The following PATL1 variants were observed in gnomAD, a reference collection of about 807,000 sequenced individuals.
PATL1 encodes protein PAT1 homolog 1.
A neutral mutation model predicts 100.6 loss-of-function variants in PATL1; 32 were observed. That is an observed-to-expected ratio of 0.32 (90% CI 0.24 to 0.43). The LOEUF is 0.43. Among genes scored for constraint, PATL1 ranks in the 20% least tolerant of loss-of-function variants. The probability of loss-of-function intolerance (pLI) is 1.00; values close to 1 mark genes in which losing one functional copy is unlikely to be tolerated. For synonymous variants in PATL1, 332 were observed against 330.0 expected (o/e 1.01, Z -0.07); for missense variants, 747 against 949.9 (o/e 0.79, Z 2.81).
chr11:59,662,760 G>A (rs1314388153), intron 2 of PATL1, among the ~76,000 whole-genome samples: 3 of 152,144 alleles, frequency 2.0e-5, no homozygotes. Flanking sequence ...TTCTAATGCA[G>A]TAGAGTTCTA....
In PATL1 at chr11:59,638,331, G is replaced by T; in HGVS notation, c.*59C>A. On this transcript the variant is annotated 3_prime_UTR_variant, in exon 19 of 19. Transcript: ENST00000300146. ...TTCCCTCATTAAAAACACTCCATTGGTGATGGCAGCAGTGCAGGTGGCAGC... is the reference window on the plus strand; with the variant it reads ...TTCCCTCATTAAAAACACTCCATTGTTGATGGCAGCAGTGCAGGTGGCAGC... 7.1e-6 allele frequency: 11 copies of T among 1,544,046 alleles called. No homozygotes were observed. The highest frequency in any genetic ancestry group is 1.1e-5 in the South Asian group (1 of 88,172).
intron 14 of PATL1, among the ~76,000 whole-genome samples, chr11:59,648,149 G>C (rs1407639312): frequency 6.6e-6 from 1 of 150,848 alleles, no homozygotes; most frequent in Non-Finnish European, 1.5e-5. Flanking sequence ...AAAAAAACTT[G>C]GCCAACTGTA....
intron 18 of PATL1, 130 bp from the exon 19 acceptor site, chr11:59,638,541 G>T (rs1291634235): frequency 2.3e-6 from 2 of 883,382 alleles, no homozygotes; most frequent in African/African-American, 3.3e-5. Flanking sequence ...TCTACCCTTA[G>T]CATTTGGTCA....
rs1861552581 is a variant in PATL1 at position 59,657,520 on chromosome 11, TGA to T, written c.621+8_621+9del. 6.4e-7 allele frequency: 1 copy of T among 1,570,556 alleles called. No individual in the cohort carries two copies. Among genetic ancestry groups the T allele is most frequent in the Non-Finnish European group, 8.7e-7 (1 of 1,149,584 alleles). On this transcript the variant is annotated splice_region_variant and intron_variant, in intron 5 of 18. Coordinates refer to ENST00000300146, the MANE Select transcript of PATL1 (RefSeq NM_152716.3). The stretch of plus-strand genomic sequence containing the variant: ...ATATCCTGGGCTGTGTGCTTGTTAA[TGA>T]GAGGTACCTGTTGGGTGAAGCTGGG...
chr11:59,638,519 C>T lies in PATL1; in HGVS notation c.2292-108G>A, dbSNP rs530423202. 1.6e-5 allele frequency: 17 copies of T among 1,040,336 alleles called. No homozygotes were observed. The South Asian group carries it at 1.6e-4, about 10-fold the overall frequency. The allele number at this position is 1,040,336 out of a possible 1,614,324, so 64.4% of individuals were successfully genotyped here. ...GTAAGACTTCTCATAACAAAATACC[C>T]GAGATTATTTCTCTACCCTTAGCAT... On this transcript the variant is annotated intron_variant, in intron 18 of 18. Transcript: ENST00000300146.
At chr11:59,655,882 A>T in intron 7 of PATL1, 74 bp downstream of exon 7, 1 of 1,367,212 alleles carries the variant, frequency 7.3e-7, no homozygotes, top group East Asian at 2.5e-5. Context: ...TAACAGCAAA[A>T]AAAGGGGCTA....
At chr11:59,667,165 A>T (rs994549513) in intron 1 of PATL1, 1 of 817,682 alleles carries the variant, frequency 1.2e-6, no homozygotes, top group African/African-American at 1.9e-5. Flanking sequence ...CTATTTCCTA[A>T]TCCTTATTTC....
chr11:59,660,956 T>C (rs766840639), intron 2 of PATL1, among the ~76,000 whole-genome samples: 1 of 152,218 alleles, frequency 6.6e-6, no homozygotes, highest in Non-Finnish European at 1.5e-5. Context: ...CAGATTACAA[T>C]CTTCAGAACC....
intron 2 of PATL1, among the ~76,000 whole-genome samples, chr11:59,663,521 C>G (rs571107982): frequency 6.6e-6 from 1 of 151,722 alleles, no homozygotes; most frequent in East Asian, 1.9e-4. Flanking sequence ...CGTCACTCTT[C>G]CTCATTTGTT....
chr11:59,655,539 G>A lies in PATL1; in HGVS notation c.1015C>T (p.His339Tyr). 1.3e-6 allele frequency: 2 copies of A among 1,578,318 alleles called. No homozygotes were observed. Among genetic ancestry groups the A allele is most frequent in the South Asian group, 1.2e-5 (1 of 86,294 alleles). The part of the protein sequence containing the change: ...PQQHPPGPGP[H>Y]LQNLRSQAPM... ...TTTGTATACCTTAGGTTTTGCAGGTGGGGTCCTGGGCCAGGAGGGTGCTGC... is the reference window on the plus strand; with the variant it reads ...TTTGTATACCTTAGGTTTTGCAGGTAGGGTCCTGGGCCAGGAGGGTGCTGC... The change falls in exon 8 of 19, where the codon CAC (histidine) becomes TAC (tyrosine). Residue 339 changes from histidine (H) to tyrosine (Y), a missense_variant. Transcript: ENST00000300146.
intron 6 of PATL1, 128 bp downstream of exon 6, chr11:59,656,371 A>C (rs1301066355): frequency 2.6e-6 from 2 of 780,532 alleles, no homozygotes; most frequent in Non-Finnish European, 4.1e-6. Context: ...CAGCAATTTA[A>C]GTAAGGAGAT....
rs777477139 is a variant in PATL1, at chr11:59,655,959, T to G, written c.810A>C (p.Ala270=). The change falls in exon 7 of 19, where the codon GCA becomes GCC. Residue 270 remains alanine (A), a synonymous_variant. Transcript: ENST00000300146. ...GTAGGGCTAATCACAGGCTTACCTG[T>G]GCTCCTCCAAGAAGCTGTGCTCTCT... ...PLQRAQLLGG[A]QLQPGRMSPS... is the part of the protein sequence containing the mutation. The G allele has an allele frequency of 6.3e-6, 10 of 1,586,472 alleles. No homozygotes were observed. Among genetic ancestry groups the G allele is most frequent in the Non-Finnish European group, 8.6e-6 (10 of 1,164,904 alleles).
rs766186239 is a variant in PATL1 at position 59,642,940 on chromosome 11, A to C, written c.1989T>G (p.Pro663=). The C allele has an allele frequency of 1.9e-6, 3 of 1,613,870 alleles. No individual in the cohort carries two copies. The highest frequency in any genetic ancestry group is 1.3e-5 in the African/African-American group (1 of 74,938). The change falls in exon 16 of 19, where the codon CCT becomes CCG. Residue 663 remains proline (P), a synonymous_variant. Coordinates refer to ENST00000300146, the MANE Select transcript of PATL1 (RefSeq NM_152716.3). ...AGAGTGCTGGTGTAGCTGCACTTTG[A>C]GGTAGGTTCATTAGCTGTCGCAAAA... ...TSLLRQLMNL[P]QSAATPALSN...
chr11:59,650,078 G>A (rs1259823475), intron 13 of PATL1, among the ~76,000 whole-genome samples: 3 of 142,822 alleles, frequency 2.1e-5, no homozygotes, highest in Non-Finnish European at 3.0e-5. Flanking sequence ...CCAAGATCTC[G>A]CCATTGCACT....
intron 2 of PATL1, among the ~76,000 whole-genome samples, chr11:59,665,342 TTA>T (rs1214689897): frequency 6.6e-6 from 1 of 152,250 alleles, no homozygotes; most frequent in African/African-American, 2.4e-5. Context: ...CTCTTTTTCC[TTA>T]TGACTTAACT....
chr11:59,667,562 A>G (rs561496090), intron 1 of PATL1, among the ~76,000 whole-genome samples: 35 of 152,324 alleles, frequency 2.3e-4, no homozygotes, highest in Non-Finnish European at 4.0e-4. Context: ...CTCCATTCCT[A>G]CAATCAGTGT....
chr11:59,663,509 C>T (rs951159754), intron 2 of PATL1, among the ~76,000 whole-genome samples: 5 of 151,860 alleles, frequency 3.3e-5, no homozygotes, highest in Admixed American at 2.0e-4. Flanking sequence ...AGTTACTTAA[C>T]CCGTCACTCT....
intron 12 of PATL1, among the ~76,000 whole-genome samples, 154 bp from the exon 13 acceptor site, chr11:59,650,967 G>A (rs138971822): frequency 4.1e-4 from 63 of 152,278 alleles, no homozygotes; most frequent in African/African-American, 1.5e-3. Context: ...ATGAACAAAG[G>A]TCAAAGTTGA....
chr11:59,638,719 C>T (rs1030787795), intron 18 of PATL1, among the ~76,000 whole-genome samples: 6 of 152,110 alleles, frequency 3.9e-5, no homozygotes, highest in African/African-American at 1.2e-4. Flanking sequence ...CTTGCTCTGT[C>T]ACCCAGGCTG....
Sources: allele counts gnomAD v4.1 joint callset (sites outside exome capture counted in the v4.1 genomes callset), GRCh38; gene constraint gnomAD v4.1.1; transcripts MANE v1.5; gene names NCBI Gene and HGNC (gene_info 2026-07-23, HGNC 2026-07-21).